Variants in ATXN10 observed in about 807,000 individuals in gnomAD.
ATXN10 encodes ataxin-10.
ATXN10 carries 28 observed loss-of-function variants against 52.9 expected under a neutral mutation model. The observed-to-expected ratio is 0.53, with a 90% CI of 0.39 to 0.73. The LOEUF is 0.73. Ranked by LOEUF, ATXN10 falls within the 30% of genes least tolerant of loss-of-function variation. The pLI is 0.00. For synonymous variants in ATXN10, 226 were observed against 221.5 expected (o/e 1.02, Z -0.18); for missense variants, 565 against 577.0 (o/e 0.98, Z 0.21).
At chr22:45,746,052 A>G (rs917049364) in intron 9 of ATXN10, among the ~76,000 whole-genome samples, 2 of 152,082 alleles carry the variant, frequency 1.3e-5, no homozygotes, top group African/African-American at 4.8e-5. Flanking sequence ...GATCCAAATC[A>G]TATATATTTT....
chr22:45,813,999 A>C (rs1276428407), intron 10 of ATXN10, among the ~76,000 whole-genome samples: 1 of 152,240 alleles, frequency 6.6e-6, no homozygotes, highest in Non-Finnish European at 1.5e-5. Flanking sequence ...GACCAATTTA[A>C]TGTCCATAGT....
At chr22:45,735,169 G>A (rs1167617670) in intron 7 of ATXN10, among the ~76,000 whole-genome samples, 5 of 152,036 alleles carry the variant, frequency 3.3e-5, no homozygotes, top group African/African-American at 7.2e-5. Context: ...ATGGGCCACC[G>A]TGCCCGGCCA....
Position 45,718,437 on chromosome 22 carries a change from T to C in ATXN10, c.672T>C (p.Phe224=). The change falls in exon 6 of 12, where the codon TTT becomes TTC. Residue 224 remains phenylalanine (F), a synonymous_variant. Coordinates refer to ENST00000252934, the MANE Select transcript of ATXN10 (RefSeq NM_013236.4). This position sits in a 1 kb window ranked among gnomAD's most constrained non-coding sequence, Gnocchi z 4.4. ...GGTTCTTGATTATTACAGACCTCTT[T>C]CTGAAAAGCCCGGAATTGGTACAAG... ...EWPFLIITDL[F]LKSPELVQAM... is the part of the protein sequence containing the mutation. 6.2e-7 allele frequency: 1 copy of C among 1,613,736 alleles called. No homozygotes were observed. The highest frequency in any genetic ancestry group is 8.5e-7 in the Non-Finnish European group (1 of 1,179,718).
Position 45,729,527 on chromosome 22 carries a change from C to G in ATXN10, c.831C>G (p.Ser277Arg), listed in dbSNP as rs745375792. ...VFLRHAELIA[S>R]TFVDQCKTVL... is the part of the protein sequence containing the mutation. The stretch of plus-strand genomic sequence containing the variant: ...TGCGGCATGCTGAGTTGATTGCAAG[C>G]ACCTTTGTGGATCAGTGCAAGACTG... The change falls in exon 7 of 12, where the codon AGC (serine) becomes AGG (arginine). Residue 277 changes from serine to arginine, a missense_variant. Coordinates refer to ENST00000252934, the MANE Select transcript of ATXN10 (RefSeq NM_013236.4). 2.8e-5 allele frequency: 46 copies of G among 1,614,038 alleles called. No individual in the cohort carries two copies. The Admixed American group carries it at 7.3e-4, about 26-fold the overall frequency.
rs896634388 is a variant in ATXN10 at position 45,688,588 on chromosome 22, T to G, written c.117-1124T>G. On this transcript the variant is annotated intron_variant, in intron 1 of 11. Coordinates refer to ENST00000252934, the MANE Select transcript of ATXN10 (RefSeq NM_013236.4). The surrounding 1 kb of genome is among the most constrained non-coding windows in gnomAD (Gnocchi z 4.0). ...GAAGTTCAAGGAAAGACGTGTTTCC[T>G]CTGCCCCCGGAAAAGGGGCTTCCAT... Among the ~76,000 whole-genome samples, 3 of 152,202 alleles carry G rather than the reference T, an allele frequency of 2.0e-5. No homozygotes were observed. The highest frequency in any genetic ancestry group is 7.2e-5 in the African/African-American group (3 of 41,468).
chr22:45,752,498 G>A (rs1376233342), intron 9 of ATXN10, among the ~76,000 whole-genome samples: 1 of 150,214 alleles, frequency 6.7e-6, no homozygotes, highest in African/African-American at 2.5e-5. Flanking sequence ...CAGTGGGTGA[G>A]CAGGTGTGTG....
intron 10 of ATXN10, among the ~76,000 whole-genome samples, chr22:45,808,816 A>C (rs539420833): frequency 6.6e-6 from 1 of 152,358 alleles, no homozygotes; most frequent in South Asian, 2.1e-4. Flanking sequence ...AAATGGTTCA[A>C]AGTTACACAT....
chr22:45,764,720 C>A (rs1926523601), intron 9 of ATXN10, among the ~76,000 whole-genome samples: 2 of 152,180 alleles, frequency 1.3e-5, no homozygotes, highest in African/African-American at 2.4e-5. Context: ...CTGGATGGAA[C>A]AAATAACAAC....
chr22:45,827,101 C>T (rs902755371), intron 10 of ATXN10, among the ~76,000 whole-genome samples: 5 of 147,828 alleles, frequency 3.4e-5, no homozygotes, highest in African/African-American at 7.4e-5. Flanking sequence ...TTATAACTTT[C>T]GAATGTTAAA....
chr22:45,724,111 A>G (rs1484314745), intron 6 of ATXN10, among the ~76,000 whole-genome samples: 6 of 152,026 alleles, frequency 3.9e-5, no homozygotes, highest in African/African-American at 2.4e-5. Context: ...CATTGGTTCT[A>G]TATCTTTGCA....
chr22:45,716,155 C>A (rs1300850300), intron 5 of ATXN10, among the ~76,000 whole-genome samples: 1 of 151,998 alleles, frequency 6.6e-6, no homozygotes, highest in African/African-American at 2.4e-5. Context: ...GTTCTATCTA[C>A]TTGAGAGACT....
At position 45,744,194 on chromosome 22, in the gene ATXN10, A is replaced by G. The variant is rs1925644201; in HGVS notation, c.1173+3656A>G. 2.0e-5 allele frequency among the ~76,000 whole-genome samples: 3 copies of G among 152,230 alleles called. No homozygotes were observed. The highest frequency in any genetic ancestry group is 4.1e-4 in the South Asian group (2 of 4,832). On this transcript the variant is annotated intron_variant, in intron 9 of 11. Transcript: ENST00000252934. This position sits in a 1 kb window ranked among gnomAD's most constrained non-coding sequence, Gnocchi z 4.9. Reference sequence around the variant, plus strand: ...TCCATTCTGGCATCATCTGGGGACCATGCTTGCCTCTTTGAATCAGAATCT... The same window carrying G: ...TCCATTCTGGCATCATCTGGGGACCGTGCTTGCCTCTTTGAATCAGAATCT...
At chr22:45,827,841 A>G (rs1378925182) in intron 10 of ATXN10, among the ~76,000 whole-genome samples, 1 of 152,236 alleles carries the variant, frequency 6.6e-6, no homozygotes, top group Non-Finnish European at 1.5e-5. Flanking sequence ...TCAAGTGCAC[A>G]GAAGACATTT....
chr22:45,687,845 G>C (rs1451187503), intron 1 of ATXN10, among the ~76,000 whole-genome samples: 1 of 152,212 alleles, frequency 6.6e-6, no homozygotes, highest in African/African-American at 2.4e-5. Flanking sequence ...CAGATCACGA[G>C]ATCGGGAGTT....
In ATXN10 at chr22:45,745,708, C is replaced by T. The variant is rs563926928; in HGVS notation, c.1173+5170C>T. Among the ~76,000 whole-genome samples the T allele has an allele frequency of 2.0e-4, 30 of 152,308 alleles. No homozygotes were observed. In the South Asian group the frequency reaches 2.3e-3, roughly 12 times the overall value. The stretch of plus-strand genomic sequence containing the variant: ...TTGCTCATCATGTTACTCCCAGCAT[C>T]TAAATTGTACCTGGCACATAGTAGG... On this transcript the variant is annotated intron_variant, in intron 9 of 11. Coordinates refer to ENST00000252934, the MANE Select transcript of ATXN10 (RefSeq NM_013236.4).
chr22:45,797,226 G>A (rs73889618), intron 9 of ATXN10, among the ~76,000 whole-genome samples: 3,550 of 152,280 alleles, frequency 0.023, 94 homozygotes, highest in African/African-American at 0.061. Context: ...ACCTTGATCA[G>A]GTGAAATTTA....
intron 9 of ATXN10, among the ~76,000 whole-genome samples, chr22:45,767,300 G>C (rs544185341): frequency 6.6e-5 from 10 of 152,168 alleles, no homozygotes; most frequent in African/African-American, 2.2e-4. Context: ...TGATCTGAGT[G>C]ATGTATTATT....
intron 6 of ATXN10, among the ~76,000 whole-genome samples, chr22:45,723,801 C>A (rs1053698193): frequency 6.6e-6 from 1 of 151,974 alleles, no homozygotes; most frequent in Non-Finnish European, 1.5e-5. Flanking sequence ...ACTAAAAATA[C>A]AAAAATTAGC....
chr22:45,810,386 T>C (rs1365901774), intron 10 of ATXN10, among the ~76,000 whole-genome samples: 1 of 152,238 alleles, frequency 6.6e-6, no homozygotes, highest in Non-Finnish European at 1.5e-5. Context: ...GTTAGGACCA[T>C]TTTTGGTCAT....
Sources: allele counts gnomAD v4.1 joint callset (sites outside exome capture counted in the v4.1 genomes callset), GRCh38; gene constraint gnomAD v4.1.1; non-coding constraint Gnocchi (gnomAD v3.1); transcripts MANE v1.5; gene names NCBI Gene and HGNC (gene_info 2026-07-23, HGNC 2026-07-21).